AUTS2: variants seen among roughly 807,000 people sequenced by gnomAD.
AUTS2 encodes autism susceptibility gene 2 protein.
AUTS2 carries 17 observed loss-of-function variants against 112.4 expected under a neutral mutation model. The observed-to-expected ratio is 0.15, with a 90% CI of 0.10 to 0.23. AUTS2 has a LOEUF of 0.23. AUTS2 is among the 10% of genes least tolerant of loss of function. The probability of loss-of-function intolerance (pLI) is 1.00; values close to 1 mark genes in which losing one functional copy is unlikely to be tolerated. For missense variants in AUTS2, 1,510 were observed against 1,701.6 expected (o/e 0.89, Z 1.98); for synonymous variants, 751 against 702.7 (o/e 1.07, Z -1.09).
Position 70,719,410 on chromosome 7 carries a change from C to T in AUTS2, c.742+20790C>T, listed in dbSNP as rs57438789. Among the ~76,000 whole-genome samples, 1,144 of 152,172 alleles carry T rather than the reference C, an allele frequency of 7.5e-3. 13 individuals carry two copies. Among genetic ancestry groups the T allele is most frequent in the African/African-American group, 0.025 (1,017 of 41,490 alleles). ...TCTTCTCTCAAATAGTATGTGGAGC[C>T]GGCTCGGAACAAGCAGGGCTTCCCC... is the stretch of plus-strand genomic sequence containing the variant. On this transcript the variant is annotated intron_variant, in intron 6 of 18. Transcript: ENST00000342771.
chr7:70,527,428 A>G lies in AUTS2; in HGVS notation c.690+91647A>G, dbSNP rs547438930. On this transcript the variant is annotated intron_variant, in intron 5 of 18. Transcript: ENST00000342771. ...TCACTTGGCTGTAATAACTGCTCAA[A>G]CTATTTACTCACCAGTTTTAAGTAT... is the stretch of plus-strand genomic sequence containing the variant. Among the ~76,000 whole-genome samples, 3 of 152,270 alleles carry G rather than the reference A, an allele frequency of 2.0e-5. No homozygotes were observed. In the East Asian group the frequency reaches 5.8e-4, roughly 29 times the overall value.
intron 4 of AUTS2, chr7:70,290,643 A>C (rs1440659046): frequency 1.4e-6 from 2 of 1,384,576 alleles, no homozygotes; most frequent in Non-Finnish European, 1.9e-6. Context: ...TTTTAGTTTA[A>C]CCTTCATTTG....
At chr7:69,672,552 C>A (rs1796383857) in intron 1 of AUTS2, among the ~76,000 whole-genome samples, 2 of 152,200 alleles carry the variant, frequency 1.3e-5, no homozygotes, top group African/African-American at 4.8e-5. Flanking sequence ...TCATGTGTCT[C>A]ACCTAGATAG....
intron 4 of AUTS2, among the ~76,000 whole-genome samples, chr7:70,246,804 A>G (rs1421980716): frequency 6.6e-6 from 1 of 152,110 alleles, no homozygotes. Flanking sequence ...TCTTTATGAT[A>G]TTGATTCTTC....
At chr7:69,902,018 T>G (rs1196137242) in intron 2 of AUTS2, among the ~76,000 whole-genome samples, 3 of 152,220 alleles carry the variant, frequency 2.0e-5, no homozygotes, top group Non-Finnish European at 1.5e-5. Context: ...TAATGCCGTT[T>G]TGGAGTCAGT....
At chr7:70,718,572 A>G (rs1331604012) in intron 6 of AUTS2, among the ~76,000 whole-genome samples, 1 of 152,186 alleles carries the variant, frequency 6.6e-6, no homozygotes, top group Non-Finnish European at 1.5e-5. Context: ...CTGAGGCACA[A>G]GAATCACTTG....
Position 70,698,530 on chromosome 7 carries a change from G to T in AUTS2, c.691-39G>T, listed in dbSNP as rs767347796. On this transcript the variant is annotated intron_variant, in intron 5 of 18. Transcript: ENST00000342771. ...TGTTGATGGTGATGACAATATTAATGACAATAATAATGCTTTTTTCCCCCT... is the reference window on the plus strand; with the variant it reads ...TGTTGATGGTGATGACAATATTAATTACAATAATAATGCTTTTTTCCCCCT... 5.2e-6 allele frequency: 8 copies of T among 1,545,112 alleles called. No individual in the cohort carries two copies. The South Asian group carries it at 9.4e-5, about 18-fold the overall frequency.
At chr7:69,896,116 T>G (rs983996920) in intron 1 of AUTS2, among the ~76,000 whole-genome samples, 1 of 152,250 alleles carries the variant, frequency 6.6e-6, no homozygotes, top group Admixed American at 6.5e-5. Context: ...GCTATTTTGG[T>G]TAAATGTGAG....
At chr7:70,491,525 ATATAT>A (rs767344689) in intron 5 of AUTS2, among the ~76,000 whole-genome samples, 6 of 147,788 alleles carry the variant, frequency 4.1e-5, no homozygotes, top group African/African-American at 7.4e-5. Context: ...TATACACACA[ATATAT>A]TATATATACA....
intron 6 of AUTS2, among the ~76,000 whole-genome samples, chr7:70,726,645 T>G (rs1787049530): frequency 6.6e-6 from 1 of 152,206 alleles, no homozygotes; most frequent in Admixed American, 6.5e-5. Flanking sequence ...GAAGAGAAGA[T>G]AACATCTTAA....
At chr7:70,332,171 GACAA>G (rs1208437226) in intron 4 of AUTS2, among the ~76,000 whole-genome samples, 3 of 152,086 alleles carry the variant, frequency 2.0e-5, no homozygotes, top group Admixed American at 1.3e-4. Context: ...ACCAATAATA[GACAA>G]ACAGAGAGCC....
At chr7:69,759,426 A>T (rs1167088584) in intron 1 of AUTS2, among the ~76,000 whole-genome samples, 1 of 151,598 alleles carries the variant, frequency 6.6e-6, no homozygotes, top group Admixed American at 6.6e-5. Flanking sequence ...CTGTGTTTTG[A>T]CTGCAGCTGC....
chr7:69,608,007 T>C (rs1698398211), intron 1 of AUTS2, among the ~76,000 whole-genome samples: 1 of 152,112 alleles, frequency 6.6e-6, no homozygotes, highest in South Asian at 2.1e-4. Flanking sequence ...TGCTCATGGC[T>C]CACTGCAGCC....
At chr7:70,134,271 G>A (rs1251086007) in intron 3 of AUTS2, among the ~76,000 whole-genome samples, 2 of 152,164 alleles carry the variant, frequency 1.3e-5, no homozygotes, top group African/African-American at 4.8e-5. Context: ...CCAGCTGCCT[G>A]TCAAATAAAT....
intron 2 of AUTS2, among the ~76,000 whole-genome samples, chr7:70,088,103 A>T (rs570206601): frequency 6.6e-6 from 1 of 151,082 alleles, no homozygotes; most frequent in East Asian, 1.9e-4. Context: ...TCAAAGAACT[A>T]ACTTTTGGTT....
Position 70,141,081 on chromosome 7 carries a change from G to C in AUTS2, c.660+6510G>C, listed in dbSNP as rs114127766. Among the ~76,000 whole-genome samples the C allele has an allele frequency of 5.2e-3, 798 of 152,290 alleles. 10 individuals are homozygous for C. The highest frequency in any genetic ancestry group is 0.018 in the African/African-American group (766 of 41,558). Reference sequence around the variant, plus strand: ...ATGTAGCAGGCTTAAATTGTGCAGAGCTTGATGGATGTTTAGATAGTCAAC... The same window carrying C: ...ATGTAGCAGGCTTAAATTGTGCAGACCTTGATGGATGTTTAGATAGTCAAC... On this transcript the variant is annotated intron_variant, in intron 4 of 18. Coordinates refer to ENST00000342771, the MANE Select transcript of AUTS2 (RefSeq NM_015570.4).
intron 1 of AUTS2, among the ~76,000 whole-genome samples, chr7:69,818,216 G>A (rs1334192016): frequency 2.0e-5 from 3 of 152,176 alleles, no homozygotes; most frequent in African/African-American, 2.4e-5. Flanking sequence ...TTATGTCCCC[G>A]CTGAAGCCGT....
chr7:70,690,872 G>C (rs1286678742), intron 5 of AUTS2, among the ~76,000 whole-genome samples: 1 of 152,156 alleles, frequency 6.6e-6, no homozygotes, highest in African/African-American at 2.4e-5. Context: ...GAGGCGGGAG[G>C]ATTGCTTTAG....
chr7:70,040,596 C>T lies in AUTS2; in HGVS notation c.523-77536C>T, dbSNP rs1801202770. 3.3e-5 allele frequency among the ~76,000 whole-genome samples: 5 copies of T among 152,260 alleles called. No homozygotes were observed. In the South Asian group the frequency reaches 8.3e-4, roughly 25 times the overall value. Reference sequence around the variant, plus strand: ...AGGGCATGTTGGCTTGGTGGTACAGCTAAGATCTAATTCCTTCTGCCACCA... The same window carrying T: ...AGGGCATGTTGGCTTGGTGGTACAGTTAAGATCTAATTCCTTCTGCCACCA... On this transcript the variant is annotated intron_variant, in intron 2 of 18. Transcript: ENST00000342771.
Sources: allele counts gnomAD v4.1 joint callset (sites outside exome capture counted in the v4.1 genomes callset), GRCh38; gene constraint gnomAD v4.1.1; transcripts MANE v1.5; gene names NCBI Gene and HGNC (gene_info 2026-07-23, HGNC 2026-07-21).